The following GRID2 variants were observed in gnomAD, a reference collection of about 807,000 sequenced individuals.
The protein encoded by GRID2 is glutamate receptor ionotropic, delta-2.
In GRID2, 33 loss-of-function variants were observed where a neutral mutation model predicts 114.8. That is an observed-to-expected ratio of 0.29 (90% CI 0.22 to 0.38). The LOEUF (loss-of-function observed/expected upper bound fraction) is 0.38, where lower values mean the gene tolerates loss of function less well. GRID2 is among the 10% of genes least tolerant of loss of function. GRID2 has a pLI of 1.00. For missense variants in GRID2, 1,184 were observed against 1,257.7 expected (o/e 0.94, Z 0.89); for synonymous variants, 505 against 449.9 (o/e 1.12, Z -1.55).
At chr4:93,231,557 C>G (rs1302400143) in intron 7 of GRID2, among the ~76,000 whole-genome samples, 1 of 152,084 alleles carries the variant, frequency 6.6e-6, no homozygotes, top group African/African-American at 2.4e-5. Flanking sequence ...TACTGAGATA[C>G]TTGCTTCACA....
chr4:93,546,357 A>C (rs1473048729), intron 13 of GRID2, among the ~76,000 whole-genome samples: 1 of 152,182 alleles, frequency 6.6e-6, no homozygotes, highest in East Asian at 1.9e-4. Flanking sequence ...ATTTACAGCC[A>C]TATTTGTGGA....
chr4:93,110,798 G>A lies in GRID2; in HGVS notation c.580G>A (p.Asp194Asn). The change falls in exon 4 of 16, where the codon GAT (aspartate) becomes AAT (asparagine). Residue 194 changes from aspartate to asparagine, a missense_variant. Around this residue, in one of 3 missense-constraint regions of GRID2, gnomAD observed 455 missense variants for 429.5 expected, o/e 1.06. Transcript: ENST00000282020. ...GGACAAAGTCTCTCAGCAGGGAATG[G>A]ATGTTGCACTTCAGAAGGTAGAAAA... ...FLDKVSQQGM[D>N]VALQKVENNI... 1.2e-6 allele frequency: 2 copies of A among 1,612,966 alleles called. No homozygotes were observed. The highest frequency in any genetic ancestry group is 1.7e-6 in the Non-Finnish European group (2 of 1,178,970).
At chr4:93,603,391 T>C (rs143794869) in intron 13 of GRID2, among the ~76,000 whole-genome samples, 4 of 152,160 alleles carry the variant, frequency 2.6e-5, no homozygotes, top group South Asian at 2.1e-4. Flanking sequence ...ATGAGAAACA[T>C]GAGAAAGCTG....
At chr4:92,653,867 T>G (rs1221705262) in intron 2 of GRID2, among the ~76,000 whole-genome samples, 1 of 152,154 alleles carries the variant, frequency 6.6e-6, no homozygotes, top group African/African-American at 2.4e-5. Context: ...TATGTGGTCA[T>G]AAATTCTTGA....
At chr4:93,255,708 C>T (rs991416679) in intron 8 of GRID2, among the ~76,000 whole-genome samples, 3 of 152,070 alleles carry the variant, frequency 2.0e-5, no homozygotes, top group African/African-American at 7.2e-5. Flanking sequence ...TCTACTTCCC[C>T]TTTGAACTTC....
At chr4:93,572,544 A>G (rs1443322632) in intron 13 of GRID2, among the ~76,000 whole-genome samples, 1 of 152,124 alleles carries the variant, frequency 6.6e-6, no homozygotes, top group Admixed American at 6.6e-5. Context: ...ATTACAGTAT[A>G]TTAAAATAAT....
At chr4:93,532,108 A>T (rs1475483968) in intron 13 of GRID2, among the ~76,000 whole-genome samples, 1 of 152,166 alleles carries the variant, frequency 6.6e-6, no homozygotes, top group Non-Finnish European at 1.5e-5. Context: ...ATTTGCCTAA[A>T]CGTTGCACAT....
At chr4:93,128,046 A>AC (rs1560908470) in intron 4 of GRID2, among the ~76,000 whole-genome samples, 1 of 145,614 alleles carries the variant, frequency 6.9e-6, no homozygotes, top group African/African-American at 2.6e-5. Flanking sequence ...AAAAAAAAAA[A>AC]AAAAAAAAAA....
intron 8 of GRID2, among the ~76,000 whole-genome samples, chr4:93,247,690 C>T (rs143806169): frequency 2.6e-5 from 4 of 151,846 alleles, no homozygotes; most frequent in Non-Finnish European, 4.4e-5. Context: ...TCTTAGCCTC[C>T]GTAATTATGT....
chr4:92,344,298 T>C (rs1363756854), intron 1 of GRID2, among the ~76,000 whole-genome samples: 1 of 152,200 alleles, frequency 6.6e-6, no homozygotes, highest in East Asian at 1.9e-4. Flanking sequence ...CCATTATTTG[T>C]AAATAAAAGT....
intron 4 of GRID2, among the ~76,000 whole-genome samples, chr4:93,114,597 A>G (rs1292407645): frequency 6.6e-6 from 1 of 152,084 alleles, no homozygotes; most frequent in African/African-American, 2.4e-5. Context: ...CACCACCTCT[A>G]TCCTAGCCTA....
chr4:92,433,841 T>C (rs1732596292), intron 1 of GRID2, among the ~76,000 whole-genome samples: 1 of 152,146 alleles, frequency 6.6e-6, no homozygotes, highest in Non-Finnish European at 1.5e-5. Context: ...AAATCAGTAA[T>C]TAGTTTGTCA....
At chr4:92,425,314 C>T (rs1732104183) in intron 1 of GRID2, among the ~76,000 whole-genome samples, 1 of 152,006 alleles carries the variant, frequency 6.6e-6, no homozygotes, top group African/African-American at 2.4e-5. Flanking sequence ...GCTCATACTA[C>T]ATTAATCAGG....
At chr4:92,636,653 G>GA (rs1731079894) in intron 2 of GRID2, among the ~76,000 whole-genome samples, 1 of 151,942 alleles carries the variant, frequency 6.6e-6, no homozygotes. Flanking sequence ...AACATACTGT[G>GA]AAATGGTGAC....
chr4:93,282,665 T>C (rs917067912), intron 8 of GRID2, among the ~76,000 whole-genome samples: 2 of 152,166 alleles, frequency 1.3e-5, no homozygotes, highest in South Asian at 4.1e-4. Context: ...CATGAGCTTT[T>C]GGGGACACAT....
At position 93,593,673 on chromosome 4, in the gene GRID2, C is replaced by A. The variant is rs62320419; in HGVS notation, c.2194-32596C>A. 4.5e-3 allele frequency among the ~76,000 whole-genome samples: 687 copies of A among 152,018 alleles called. 4 individuals carry two copies. The highest frequency in any genetic ancestry group is 0.014 in the African/African-American group (580 of 41,492). ...GTTTTCCAACTTGGTTCCATTCTCC[C>A]CATCACTTTCAGGTACACCAATCAG... On this transcript the variant is annotated intron_variant, in intron 13 of 15. Transcript: ENST00000282020.
intron 2 of GRID2, among the ~76,000 whole-genome samples, chr4:93,012,229 A>T (rs1288737643): frequency 6.6e-6 from 1 of 151,844 alleles, no homozygotes; most frequent in Non-Finnish European, 1.5e-5. Flanking sequence ...TTGGAACACC[A>T]CTTATTTTTG....
At chr4:93,628,908 C>A (rs568174698) in intron 14 of GRID2, among the ~76,000 whole-genome samples, 1 of 151,316 alleles carries the variant, frequency 6.6e-6, no homozygotes, top group Admixed American at 6.6e-5. Flanking sequence ...TGGGATTACA[C>A]ATGCACGCCA....
intron 2 of GRID2, among the ~76,000 whole-genome samples, chr4:92,843,787 A>G (rs1743091008): frequency 6.6e-6 from 1 of 152,124 alleles, no homozygotes; most frequent in Non-Finnish European, 1.5e-5. Context: ...TACTATACCA[A>G]ATTCAACAAG....
Sources: allele counts gnomAD v4.1 joint callset (sites outside exome capture counted in the v4.1 genomes callset), GRCh38; gene constraint gnomAD v4.1.1; regional missense constraint gnomAD v4.1.1; transcripts MANE v1.5; gene names NCBI Gene and HGNC (gene_info 2026-07-23, HGNC 2026-07-21).